Variants in RYR1 observed in about 807,000 individuals in gnomAD.
RYR1 encodes the protein ryanodine receptor 1.
RYR1 carries 342 observed loss-of-function variants against 583.5 expected under a neutral mutation model. That is an observed-to-expected ratio of 0.59 (90% CI 0.54 to 0.64). The LOEUF (loss-of-function observed/expected upper bound fraction) is 0.64, where lower values mean the gene tolerates loss of function less well. Ranked by LOEUF, RYR1 falls within the 30% of genes least tolerant of loss-of-function variation. RYR1 has a pLI of 0.00. For synonymous variants in RYR1, 2,791 were observed against 2,822.5 expected (o/e 0.99, Z 0.35); for missense variants, 6,032 against 6,917.2 (o/e 0.87, Z 4.54).
At chr19:38,434,228 T>TC (rs1033864068) in intron 1 of RYR1, among the ~76,000 whole-genome samples, 2 of 151,772 alleles carry the variant, frequency 1.3e-5, no homozygotes, top group African/African-American at 2.4e-5. Context: ...GATTTAGCCA[T>TC]CCCCCCACCC....
In RYR1 at chr19:38,458,613, TGTTTG is replaced by T. The variant is rs1368979448; in HGVS notation, c.2167+322_2167+326del. On this transcript the variant is annotated intron_variant, in intron 18 of 105. Coordinates refer to ENST00000359596, the MANE Select transcript of RYR1 (RefSeq NM_000540.3). ...GGAGAATTTATTTATTTATTTATTT[TGTTTG>T]TTTGTTTGTTTGTTTGTTTATTTTG... Among the ~76,000 whole-genome samples the T allele has an allele frequency of 8.2e-3, 1,205 of 146,828 alleles. 17 individuals carry two copies. Among genetic ancestry groups the T allele is most frequent in the African/African-American group, 0.029 (1,127 of 39,290 alleles).
intron 90 of RYR1, 29 bp from the exon 91 acceptor site, chr19:38,564,930 C>G: frequency 6.4e-7 from 1 of 1,558,654 alleles, no homozygotes; most frequent in Non-Finnish European, 8.7e-7. Context: ...CTGACGGCGC[C>G]CTATCCTGTC....
intron 101 of RYR1, among the ~76,000 whole-genome samples, chr19:38,584,333 G>T (rs1473694641): frequency 3.8e-5 from 3 of 79,282 alleles, no homozygotes; most frequent in Non-Finnish European, 7.1e-5. Flanking sequence ...CCCTCCGTCT[G>T]TGCCCCCCAT....
In RYR1 at chr19:38,543,299, C is replaced by T; in HGVS notation, c.11690-48C>T. 1 of 1,509,148 alleles carries T rather than the reference C, an allele frequency of 6.6e-7. No individual in the cohort carries two copies. Among genetic ancestry groups the T allele is most frequent in the African/African-American group, 1.4e-5 (1 of 72,896 alleles). 93.5% of individuals were successfully genotyped at this position (1,509,148 alleles called of 1,614,324 possible). A position where few individuals can be genotyped will look rare whatever the true frequency, so the allele number is the denominator to read the frequency against. ...TGAATAAATGACCCACTGTTCATCT[C>T]CCCTAGCACATGGGAGGTGCTGGAT... On this transcript the variant is annotated intron_variant, in intron 84 of 105. Coordinates refer to ENST00000359596, the MANE Select transcript of RYR1 (RefSeq NM_000540.3). The surrounding 1 kb of genome is among the most constrained non-coding windows in gnomAD (Gnocchi z 4.4).
At position 38,499,623 on chromosome 19, in the gene RYR1, G is replaced by A; in HGVS notation, c.7028-12G>A. 1.3e-6 allele frequency: 2 copies of A among 1,597,188 alleles called. No individual in the cohort carries two copies. Among genetic ancestry groups the A allele is most frequent in the Non-Finnish European group, 8.5e-7 (1 of 1,179,810 alleles). On this transcript the variant is annotated splice_polypyrimidine_tract_variant and intron_variant, in intron 43 of 105. Coordinates refer to ENST00000359596, the MANE Select transcript of RYR1 (RefSeq NM_000540.3). This position sits in a 1 kb window ranked among gnomAD's most constrained non-coding sequence, Gnocchi z 7.3. ...GGCTCATGAGACCCCCTTTCCCCAT[G>A]CGGGTGGCCAGGCGAGAGCGTGGAG...
At chr19:38,441,081 G>A (rs1247636634) in intron 2 of RYR1, among the ~76,000 whole-genome samples, 1 of 151,806 alleles carries the variant, frequency 6.6e-6, no homozygotes, top group Non-Finnish European at 1.5e-5. Flanking sequence ...GGGAATCCCT[G>A]TGTGCACAGA....
intron 22 of RYR1, 33 bp from the exon 23 acceptor site, chr19:38,464,606 C>T (rs760818121): frequency 3.7e-5 from 57 of 1,540,722 alleles, no homozygotes; most frequent in African/African-American, 1.6e-4. Context: ...CTCTGAGGGG[C>T]GTGACCTGTC....
chr19:38,520,962 A>C (rs1971201849), intron 67 of RYR1, among the ~76,000 whole-genome samples: 1 of 152,076 alleles, frequency 6.6e-6, no homozygotes, highest in Admixed American at 6.6e-5. Context: ...CCATCTGTTT[A>C]ATGTTCACGA....
At position 38,565,787 on chromosome 19, in the gene RYR1, G is replaced by A; in HGVS notation, c.13437+16G>A. ...GAAATTGGGGGTGAGAGAGCAGGCG[G>A]GGTTTTGGGGTTTTGGAAAGATGGG... On this transcript the variant is annotated intron_variant, in intron 91 of 105. Transcript: ENST00000359596. This position sits in a 1 kb window ranked among gnomAD's most constrained non-coding sequence, Gnocchi z 4.7. 1 of 1,381,680 alleles carries A rather than the reference G, an allele frequency of 7.2e-7. No individual in the cohort carries two copies. Among genetic ancestry groups the A allele is most frequent in the South Asian group, 1.7e-5 (1 of 59,402 alleles). 85.6% of individuals were successfully genotyped at this position (1,381,680 alleles called of 1,614,324 possible).
In RYR1 at chr19:38,565,447, CAAG is replaced by C. The variant is rs1385285952; in HGVS notation, c.13117_13119del (p.Lys4373del). The C allele has an allele frequency of 6.7e-7, 1 of 1,497,864 alleles. No individual in the cohort carries two copies. Among genetic ancestry groups the C allele is most frequent in the Admixed American group, 2.1e-5 (1 of 47,160 alleles). 92.8% of individuals were successfully genotyped at this position (1,497,864 alleles called of 1,614,324 possible). ...TCGGCGGCGGCCTGGTGGAGGGCGCCAAGAAGGTGACGGTGACCGAGCTCCTGG... is the reference window on the plus strand; with the variant it reads ...TCGGCGGCGGCCTGGTGGAGGGCGCCAAGGTGACGGTGACCGAGCTCCTGG... On this transcript the variant is annotated inframe_deletion, in exon 91 of 106. Transcript: ENST00000359596. This position sits in a 1 kb window ranked among gnomAD's most constrained non-coding sequence, Gnocchi z 4.7.
chr19:38,489,134 G>A (rs1473138521), intron 34 of RYR1, 43 bp from the exon 35 acceptor site: 1 of 1,580,068 alleles, frequency 6.3e-7, no homozygotes, highest in Non-Finnish European at 8.7e-7. Flanking sequence ...TGATGATGGA[G>A]GCCTTGCAGG....
intron 7 of RYR1, among the ~76,000 whole-genome samples, chr19:38,446,200 A>AT (rs1268423724): frequency 6.6e-6 from 1 of 152,076 alleles, no homozygotes; most frequent in Non-Finnish European, 1.5e-5. Context: ...TCAGAACCTT[A>AT]AATGACAGAC....
chr19:38,457,648 T>C lies in RYR1; in HGVS notation c.1925+18T>C, dbSNP rs1243795526. ...GTCACCAGGTCTGGCTCTCAACATC[T>C]GACCCCAGAACTCAGAACCTCTCAA... On this transcript the variant is annotated intron_variant, in intron 17 of 105. Transcript: ENST00000359596. 21 of 1,613,430 alleles carry C rather than the reference T, an allele frequency of 1.3e-5. No individual in the cohort carries two copies. Among genetic ancestry groups the C allele is most frequent in the Non-Finnish European group, 1.8e-5 (21 of 1,179,492 alleles).
intron 23 of RYR1, 125 bp downstream of exon 23, chr19:38,464,847 A>C: frequency 2.5e-6 from 2 of 796,582 alleles, no homozygotes; most frequent in Non-Finnish European, 4.3e-6. Flanking sequence ...GACTTGGGTT[A>C]GGGTGAAGGT....
chr19:38,532,715 G>A lies in RYR1; in HGVS notation c.11238G>A (p.Glu3746=), dbSNP rs772464131. 1.2e-6 allele frequency: 2 copies of A among 1,614,076 alleles called. No individual in the cohort carries two copies. ...GAGGGGAGAACGGTGAAGCTGAAGAGGAGGTTGAGGTCTCCTTTGAGGTAG... is the reference window on the plus strand; with the variant it reads ...GAGGGGAGAACGGTGAAGCTGAAGAAGAGGTTGAGGTCTCCTTTGAGGTAG... ...EEGGENGEAE[E]EVEVSFEEKQ... The change falls in exon 78 of 106, where the codon GAG becomes GAA. Residue 3746 remains glutamate (E), a synonymous_variant. Coordinates refer to ENST00000359596, the MANE Select transcript of RYR1 (RefSeq NM_000540.3).
chr19:38,515,725 C>T (rs999621840), intron 64 of RYR1, among the ~76,000 whole-genome samples: 5 of 152,042 alleles, frequency 3.3e-5, no homozygotes, highest in African/African-American at 4.8e-5. Context: ...ATGGGGGGAT[C>T]GCTTGAGCTC....
At position 38,556,961 on chromosome 19, in the gene RYR1, C is replaced by T. The variant is rs562189689; in HGVS notation, c.12283-4152C>T. Among the ~76,000 whole-genome samples, 10 of 152,138 alleles carry T rather than the reference C, an allele frequency of 6.6e-5. No individual in the cohort carries two copies. The South Asian group carries it at 1.0e-3, about 16-fold the overall frequency. On this transcript the variant is annotated intron_variant, in intron 89 of 105. Coordinates refer to ENST00000359596, the MANE Select transcript of RYR1 (RefSeq NM_000540.3). ...GCTACTGTATACCTCCACCAGGAGG[C>T]ACCTCCTTTCCAGATGCCAGCAGCT...
At chr19:38,546,397 G>T (rs766002283) in intron 87 of RYR1, 48 bp from the exon 88 acceptor site, 4 of 1,519,858 alleles carry the variant, frequency 2.6e-6, no homozygotes, top group African/African-American at 1.4e-5. Flanking sequence ...CAACAGAGGT[G>T]GGGGAGGTGT....
chr19:38,516,338 C>T, intron 65 of RYR1, 121 bp downstream of exon 65: 3 of 1,261,484 alleles, frequency 2.4e-6, no homozygotes, highest in Non-Finnish European at 3.3e-6. Context: ...GAGGATTCCC[C>T]AGGTTGGGAG....
Sources: gnomAD v4.1 joint callset for allele counts (sites outside exome capture counted in the v4.1 genomes callset) on GRCh38, gnomAD v4.1.1 for gene constraint, Gnocchi (gnomAD v3.1) non-coding constraint, MANE v1.5 for transcripts, NCBI Gene and HGNC (gene_info 2026-07-23, HGNC 2026-07-21) for gene names.